The following DIAPH3 variants were observed in gnomAD, a reference collection of about 807,000 sequenced individuals.
The protein encoded by DIAPH3 is diaphanous related formin 3.
DIAPH3 carries 117 observed loss-of-function variants against 144.3 expected under a neutral mutation model. That is an observed-to-expected ratio of 0.81 (90% confidence interval 0.70 to 0.95). DIAPH3 has a LOEUF of 0.95. Among genes scored for constraint, DIAPH3 ranks in the 40% least tolerant of loss-of-function variants. The pLI, the probability that DIAPH3 is intolerant of heterozygous loss-of-function variation, is 0.00. For missense variants in DIAPH3, 1,421 were observed against 1,412.7 expected (o/e 1.01, Z -0.09); for synonymous variants, 519 against 488.9 (o/e 1.06, Z -0.81).
chr13:59,799,408 CACACACACACACAG>C (rs2039786473), intron 25 of DIAPH3, among the ~76,000 whole-genome samples: 4 of 144,300 alleles, frequency 2.8e-5, no homozygotes, highest in African/African-American at 7.9e-5. Context: ...CACACACACA[CACACACACACACAG>C]AAGGAGAATT....
intron 4 of DIAPH3, among the ~76,000 whole-genome samples, chr13:60,059,163 A>G (rs2056672562): frequency 6.6e-6 from 1 of 151,978 alleles, no homozygotes; most frequent in Admixed American, 6.6e-5. Flanking sequence ...GTTTTAAAAA[A>G]ATTTATAAAA....
At chr13:59,877,780 C>T (rs2044727246) in intron 21 of DIAPH3, among the ~76,000 whole-genome samples, 1 of 151,890 alleles carries the variant, frequency 6.6e-6, no homozygotes, top group African/African-American at 2.4e-5. Flanking sequence ...AGCCCCACTC[C>T]TTTCCCATCT....
rs77295895 is a variant in DIAPH3 at position 59,973,426 on chromosome 13, T to A, written c.1650+926A>T. On this transcript the variant is annotated intron_variant, in intron 15 of 27. Transcript: ENST00000400324. ...GAGACAAGGAACCATATGGGAAAGA[T>A]AAAAAAAAAAATTCAATAAAATGTG... is the stretch of plus-strand genomic sequence containing the variant. Among the ~76,000 whole-genome samples, 4 of 146,970 alleles carry A rather than the reference T, an allele frequency of 2.7e-5. No individual in the cohort carries two copies. The East Asian group carries it at 5.9e-4, about 22-fold the overall frequency.
chr13:59,851,594 G>A (rs1331852761), intron 22 of DIAPH3, among the ~76,000 whole-genome samples: 1 of 151,288 alleles, frequency 6.6e-6, no homozygotes, highest in Non-Finnish European at 1.5e-5. Context: ...GAATGGATGA[G>A]GTATTCAGTA....
intron 17 of DIAPH3, among the ~76,000 whole-genome samples, chr13:59,940,994 G>T (rs1262801184): frequency 3.3e-5 from 5 of 152,182 alleles, no homozygotes; most frequent in Non-Finnish European, 7.3e-5. Context: ...CCTGAAATTT[G>T]TCCAATAGCC....
At chr13:59,874,756 C>T (rs2044505501) in intron 21 of DIAPH3, among the ~76,000 whole-genome samples, 4 of 152,128 alleles carry the variant, frequency 2.6e-5, no homozygotes, top group Admixed American at 2.6e-4. Flanking sequence ...AGTTATTACA[C>T]GTGGTAAAAC....
chr13:60,091,179 A>G (rs1028636769), intron 4 of DIAPH3, among the ~76,000 whole-genome samples: 3 of 152,142 alleles, frequency 2.0e-5, no homozygotes, highest in Non-Finnish European at 4.4e-5. Flanking sequence ...TACACAAAAC[A>G]TAAACACTAT....
rs766685948 is a variant in DIAPH3, at chr13:59,879,421, A to G, written c.2415T>C (p.Phe805=). ...TCACCTGCTCTTCAAACTGAAGCTT[A>G]AAGAGAATAGCACTGAGCCGTGGCC... ...RLRPRLSAIL[F]KLQFEEQVNN... is the part of the protein sequence containing the mutation. Residue 805 remains phenylalanine (F), a synonymous_variant, in exon 21 of 28, where the codon TTT becomes TTC. Transcript: ENST00000400324. 1.3e-5 allele frequency: 21 copies of G among 1,613,744 alleles called. 1 individual carries two copies. The highest frequency in any genetic ancestry group is 1.2e-4 in the Admixed American group (7 of 59,944).
chr13:60,069,558 A>G (rs2057116634), intron 4 of DIAPH3, among the ~76,000 whole-genome samples: 1 of 152,086 alleles, frequency 6.6e-6, no homozygotes, highest in Admixed American at 6.6e-5. Context: ...GCCAGGTCCT[A>G]TGTCCAAAAT....
At chr13:60,079,626 T>A (rs2057484181) in intron 4 of DIAPH3, among the ~76,000 whole-genome samples, 1 of 151,878 alleles carries the variant, frequency 6.6e-6, no homozygotes, top group Admixed American at 6.6e-5. Flanking sequence ...ACAAAAATGG[T>A]TATCACAGAT....
At chr13:59,759,948 A>AAAACAAACAAAC (rs10636836) in intron 27 of DIAPH3, among the ~76,000 whole-genome samples, 72 of 150,126 alleles carry the variant, frequency 4.8e-4, no homozygotes, top group African/African-American at 7.1e-4. Context: ...ACTCCATCTC[A>AAAACAAACAAAC]AAACAAACAA....
chr13:59,921,454 T>C (rs1593994029), intron 18 of DIAPH3, among the ~76,000 whole-genome samples: 1 of 151,720 alleles, frequency 6.6e-6, no homozygotes, highest in East Asian at 1.9e-4. Flanking sequence ...TAATTTCTTA[T>C]ACATCAATAA....
At chr13:60,161,290 G>A (rs1800804273) in intron 1 of DIAPH3, among the ~76,000 whole-genome samples, 1 of 152,218 alleles carries the variant, frequency 6.6e-6, no homozygotes, top group Admixed American at 6.5e-5. Flanking sequence ...CAAGAACAGT[G>A]ACTGACTTGA....
At chr13:60,041,347 T>C (rs978372372) in intron 5 of DIAPH3, among the ~76,000 whole-genome samples, 2 of 152,314 alleles carry the variant, frequency 1.3e-5, no homozygotes, top group Non-Finnish European at 2.9e-5. Context: ...GCGTGTCTGG[T>C]AACGCGAGGT....
At chr13:60,043,229 C>T (rs1811807059) in intron 4 of DIAPH3, among the ~76,000 whole-genome samples, 1 of 152,170 alleles carries the variant, frequency 6.6e-6, no homozygotes, top group African/African-American at 2.4e-5. Flanking sequence ...ATTCATTCAA[C>T]TATCACTATA....
intron 24 of DIAPH3, among the ~76,000 whole-genome samples, chr13:59,812,860 A>G (rs1011373685): frequency 3.9e-5 from 6 of 152,200 alleles, no homozygotes; most frequent in African/African-American, 1.4e-4. Flanking sequence ...AACTACGTAC[A>G]CTGAGATACA....
chr13:59,924,191 C>T (rs2047649987), intron 18 of DIAPH3, among the ~76,000 whole-genome samples: 1 of 152,100 alleles, frequency 6.6e-6, no homozygotes. Flanking sequence ...TATTTGCCTT[C>T]TTCTCTCACA....
intron 17 of DIAPH3, among the ~76,000 whole-genome samples, chr13:59,963,800 C>T (rs1470457640): frequency 1.3e-5 from 2 of 152,186 alleles, no homozygotes; most frequent in Non-Finnish European, 2.9e-5. Context: ...TCAAGCAATC[C>T]TCCTGTCTTG....
chr13:59,875,619 C>G (rs2044572834), intron 21 of DIAPH3, among the ~76,000 whole-genome samples: 1 of 152,048 alleles, frequency 6.6e-6, no homozygotes, highest in African/African-American at 2.4e-5. Context: ...TGCAAAATTT[C>G]TTATGAAGGT....
Sources: gnomAD v4.1 joint callset for allele counts (sites outside exome capture counted in the v4.1 genomes callset) on GRCh38, gnomAD v4.1.1 for gene constraint, MANE v1.5 for transcripts, NCBI Gene and HGNC (gene_info 2026-07-23, HGNC 2026-07-21) for gene names.